The following MMP16 variants were observed in gnomAD, a reference collection of about 807,000 sequenced individuals.
MMP16 encodes the protein matrix metallopeptidase 16, also known as matrix metalloproteinase-16.
A neutral mutation model predicts 67.8 loss-of-function variants in MMP16; 12 were observed. The observed-to-expected ratio is 0.18, with a 90% CI of 0.11 to 0.29. MMP16 has a LOEUF of 0.29. Among genes scored for constraint, MMP16 ranks in the 10% least tolerant of loss-of-function variants. The pLI is 1.00. For synonymous variants in MMP16, 249 were observed against 255.9 expected (o/e 0.97, Z 0.26); for missense variants, 475 against 765.7 (o/e 0.62, Z 4.48).
chr8:88,248,489 G>A (rs1324758740), intron 1 of MMP16, among the ~76,000 whole-genome samples: 1 of 152,040 alleles, frequency 6.6e-6, no homozygotes, highest in East Asian at 1.9e-4. Flanking sequence ...AGATGTAGAG[G>A]ACACAGGCAG....
At chr8:88,314,051 G>A (rs541967045) in intron 1 of MMP16, among the ~76,000 whole-genome samples, 68 of 152,256 alleles carry the variant, frequency 4.5e-4, no homozygotes, top group African/African-American at 1.6e-3. Flanking sequence ...ATGTATATTA[G>A]GTAACGTGCA....
chr8:88,093,446 A>C (rs1808973747), intron 6 of MMP16, among the ~76,000 whole-genome samples: 1 of 151,796 alleles, frequency 6.6e-6, no homozygotes, highest in Non-Finnish European at 1.5e-5. Context: ...TTTAAGCGCG[A>C]ATCACTGAGA....
intron 4 of MMP16, among the ~76,000 whole-genome samples, chr8:88,149,340 G>C (rs1042440515): frequency 5.3e-5 from 8 of 152,268 alleles, no homozygotes; most frequent in African/African-American, 1.2e-4. Context: ...CGGGAACCTC[G>C]AACTGGGTGG....
At chr8:88,144,592 A>C (rs1808262008) in intron 4 of MMP16, among the ~76,000 whole-genome samples, 1 of 151,894 alleles carries the variant, frequency 6.6e-6, no homozygotes, top group Non-Finnish European at 1.5e-5. Flanking sequence ...AGAGAGACTA[A>C]TATAATATGG....
intron 6 of MMP16, among the ~76,000 whole-genome samples, chr8:88,112,824 C>CTT (rs1238701926): frequency 1.3e-5 from 2 of 151,750 alleles, no homozygotes; most frequent in African/African-American, 4.8e-5. Flanking sequence ...AACCAAAAAG[C>CTT]ATTACGCTGA....
At chr8:88,127,426 A>C (rs930569287) in intron 4 of MMP16, among the ~76,000 whole-genome samples, 1 of 151,896 alleles carries the variant, frequency 6.6e-6, no homozygotes, top group African/African-American at 2.4e-5. Context: ...TGAAGGGAAC[A>C]GAAAACAGGA....
chr8:88,229,954 T>C (rs988095946), intron 1 of MMP16, among the ~76,000 whole-genome samples: 1 of 152,148 alleles, frequency 6.6e-6, no homozygotes, highest in African/African-American at 2.4e-5. Context: ...TCACTGCGTC[T>C]TTCCTCCATG....
chr8:88,296,347 G>T (rs1320687450), intron 1 of MMP16, among the ~76,000 whole-genome samples: 1 of 152,060 alleles, frequency 6.6e-6, no homozygotes, highest in Admixed American at 6.6e-5. Context: ...GTGATTTTCT[G>T]TCTGTATATA....
intron 4 of MMP16, among the ~76,000 whole-genome samples, chr8:88,120,540 TGC>T (rs1327412596): frequency 6.6e-6 from 1 of 151,818 alleles, no homozygotes; most frequent in Non-Finnish European, 1.5e-5. Context: ...GGCTGGAGTA[TGC>T]TATCAATGGG....
chr8:88,176,149 T>C (rs2129725355), intron 3 of MMP16, among the ~76,000 whole-genome samples: 1 of 152,288 alleles, frequency 6.6e-6, no homozygotes, highest in African/African-American at 2.4e-5. Flanking sequence ...GTTTTACAGG[T>C]TACAAGTGAC....
At chr8:88,060,586 T>G (rs991559127) in intron 7 of MMP16, among the ~76,000 whole-genome samples, 12 of 152,088 alleles carry the variant, frequency 7.9e-5, no homozygotes, top group Non-Finnish European at 1.6e-4. Flanking sequence ...CTTTCAAAAC[T>G]TAGCTTAGCA....
At chr8:88,303,875 A>G (rs1426527860) in intron 1 of MMP16, among the ~76,000 whole-genome samples, 4 of 152,328 alleles carry the variant, frequency 2.6e-5, no homozygotes, top group South Asian at 4.1e-4. Context: ...AAAATACTGA[A>G]AACTCAAAAA....
chr8:88,215,991 T>C (rs1809586559), intron 1 of MMP16, among the ~76,000 whole-genome samples: 1 of 152,188 alleles, frequency 6.6e-6, no homozygotes, highest in East Asian at 1.9e-4. Flanking sequence ...ATATTTGGTA[T>C]GATTTTACAT....
At chr8:88,269,314 G>A (rs1810528251) in intron 1 of MMP16, among the ~76,000 whole-genome samples, 1 of 152,054 alleles carries the variant, frequency 6.6e-6, no homozygotes, top group Non-Finnish European at 1.5e-5. Context: ...CTTTCACTGT[G>A]AATGACCTAA....
chr8:88,264,182 G>A (rs1332338055), intron 1 of MMP16, among the ~76,000 whole-genome samples: 4 of 151,792 alleles, frequency 2.6e-5, no homozygotes, highest in Admixed American at 6.6e-5. Context: ...GTGCGTGCAC[G>A]TGCACACATA....
At chr8:88,242,154 G>A (rs1467691411) in intron 1 of MMP16, among the ~76,000 whole-genome samples, 2 of 152,188 alleles carry the variant, frequency 1.3e-5, no homozygotes, top group Admixed American at 6.5e-5. Flanking sequence ...ATCTGAAGAT[G>A]TTGAAATGAG....
intron 7 of MMP16, among the ~76,000 whole-genome samples, chr8:88,064,834 G>C (rs1158958132): frequency 6.6e-6 from 1 of 152,046 alleles, no homozygotes; most frequent in Non-Finnish European, 1.5e-5. Context: ...GTAGCATTTT[G>C]TTTTCCAGAT....
intron 2 of MMP16, among the ~76,000 whole-genome samples, chr8:88,188,237 T>A (rs745929110): frequency 4.6e-5 from 7 of 152,344 alleles, no homozygotes; most frequent in Non-Finnish European, 1.0e-4. Flanking sequence ...ATGGTGTGCC[T>A]ACGATGATTT....
chr8:88,307,358 C>T (rs1474336454), intron 1 of MMP16, among the ~76,000 whole-genome samples: 1 of 152,026 alleles, frequency 6.6e-6, no homozygotes. Flanking sequence ...TTCAACTATC[C>T]TTTTCTGGTT....
Sources: allele counts gnomAD v4.1 joint callset (sites outside exome capture counted in the v4.1 genomes callset), GRCh38; gene constraint gnomAD v4.1.1; transcripts MANE v1.5; gene names NCBI Gene and HGNC (gene_info 2026-07-23, HGNC 2026-07-21).